Variants in EMC2 observed in about 807,000 individuals in gnomAD.
The protein encoded by EMC2 is ER membrane protein complex subunit 2.
A neutral mutation model predicts 51.6 loss-of-function variants in EMC2; 37 were observed. That is an observed-to-expected ratio of 0.72 (90% CI 0.55 to 0.94). The LOEUF is 0.94. EMC2 is among the 40% of genes least tolerant of loss of function. The probability of loss-of-function intolerance (pLI) is 0.00; values close to 1 mark genes in which losing one functional copy is unlikely to be tolerated. For missense variants in EMC2, 359 were observed against 350.9 expected, an observed-to-expected ratio of 1.02 and a Z score of -0.18; for synonymous variants, 131 against 112.4, an observed-to-expected ratio of 1.17 and a Z score of -1.04.
intron 5 of EMC2, among the ~76,000 whole-genome samples, chr8:108,465,558 T>A (rs1819446363): frequency 6.6e-6 from 1 of 152,222 alleles, no homozygotes; most frequent in South Asian, 2.1e-4. Flanking sequence ...TACTTTTGAA[T>A]AATGGAGTAA....
intron 10 of EMC2, among the ~76,000 whole-genome samples, chr8:108,482,134 T>C (rs1026383323): frequency 6.6e-6 from 1 of 152,308 alleles, no homozygotes; most frequent in Middle Eastern, 3.4e-3. Flanking sequence ...AGAGTTCTAA[T>C]AGCCCCACAT....
At chr8:108,459,970 ACTGT>A (rs1210545228) in intron 5 of EMC2, among the ~76,000 whole-genome samples, 1 of 152,198 alleles carries the variant, frequency 6.6e-6, no homozygotes, top group Non-Finnish European at 1.5e-5. Flanking sequence ...CTAATAGCTT[ACTGT>A]CTTAGTTCAA....
At chr8:108,453,002 A>G in intron 3 of EMC2, 60 bp from the exon 4 acceptor site, 1 of 828,728 alleles carries the variant, frequency 1.2e-6, no homozygotes, top group Non-Finnish European at 1.9e-6. Flanking sequence ...TATATAGGCC[A>G]TCCATTGTAG....
At chr8:108,477,982 G>A (rs951755658) in intron 9 of EMC2, among the ~76,000 whole-genome samples, 3 of 151,982 alleles carry the variant, frequency 2.0e-5, no homozygotes, top group Non-Finnish European at 2.9e-5. Context: ...ATCGAGTTGG[G>A]TTTCCAGCCC....
intron 3 of EMC2, among the ~76,000 whole-genome samples, chr8:108,452,592 A>C (rs1819054538): frequency 6.6e-6 from 1 of 152,136 alleles, no homozygotes; most frequent in Non-Finnish European, 1.5e-5. Flanking sequence ...AGGTTGGCTG[A>C]TTAATATAAA....
chr8:108,450,447 G>A lies in EMC2; in HGVS notation c.174G>A (p.Gln58=). 6.2e-7 allele frequency: 1 copy of A among 1,601,936 alleles called. No homozygotes were observed. Among genetic ancestry groups the A allele is most frequent in the Middle Eastern group, 1.7e-4 (1 of 6,028 alleles). The change falls in exon 3 of 11, where the codon CAG becomes CAA. Residue 58 remains glutamine (Q), a synonymous_variant. Coordinates refer to ENST00000220853, the MANE Select transcript of EMC2 (RefSeq NM_014673.5). ...LGDDIWIIYE[Q]VMIAALDYGR... ...ATCTAGTTTGGATCATATATGAACA[G>A]GTGATGATTGCAGCACTAGACTATG... is the stretch of plus-strand genomic sequence containing the variant.
chr8:108,481,705 C>T (rs1194051012), intron 10 of EMC2, among the ~76,000 whole-genome samples: 2 of 152,036 alleles, frequency 1.3e-5, no homozygotes, highest in African/African-American at 2.4e-5. Flanking sequence ...ATAAACATTG[C>T]AGCATCCCAA....
intron 7 of EMC2, among the ~76,000 whole-genome samples, chr8:108,473,460 A>T (rs2130395631): frequency 6.6e-6 from 1 of 152,198 alleles, no homozygotes; most frequent in East Asian, 1.9e-4. Context: ...AAAACTTCTG[A>T]AATCTGAAAC....
intron 5 of EMC2, among the ~76,000 whole-genome samples, chr8:108,467,897 A>G (rs1274424035): frequency 1.3e-5 from 2 of 152,240 alleles, no homozygotes; most frequent in African/African-American, 4.8e-5. Context: ...CCAAATGTTA[A>G]AGAAAGGAAG....
chr8:108,477,156 T>C (rs1160178523), intron 9 of EMC2, among the ~76,000 whole-genome samples: 3 of 151,950 alleles, frequency 2.0e-5, no homozygotes, highest in Non-Finnish European at 4.4e-5. Flanking sequence ...TAGTGACAGA[T>C]AGGAAGAAAA....
intron 4 of EMC2, among the ~76,000 whole-genome samples, chr8:108,454,359 G>A (rs891105746): frequency 1.3e-5 from 2 of 151,834 alleles, no homozygotes; most frequent in African/African-American, 4.8e-5. Flanking sequence ...CTCTCTCAGT[G>A]TATCAGTTAT....
chr8:108,450,506 T>A lies in EMC2; in HGVS notation c.219+14T>A, dbSNP rs760186580. On this transcript the variant is annotated intron_variant, in intron 3 of 10. Coordinates refer to ENST00000220853, the MANE Select transcript of EMC2 (RefSeq NM_014673.5). ...GACTTGGCATTGGTAGGTATTTAAA[T>A]GAAGTATATATTTAATTTGCTTCAT... 7 of 1,448,240 alleles carry A rather than the reference T, an allele frequency of 4.8e-6. 1 individual carries two copies. In the South Asian group the frequency reaches 8.0e-5, roughly 17 times the overall value. The allele number at this position is 1,448,240 out of a possible 1,614,324, so 89.7% of individuals were successfully genotyped here.
At chr8:108,450,382 G>A (rs142846038) in intron 2 of EMC2, 46 bp from the exon 3 acceptor site, 477 of 1,105,020 alleles carry the variant, frequency 4.3e-4, no homozygotes, top group Non-Finnish European at 5.9e-4. Context: ...ATTTGGGTTT[G>A]TTTTAATATT....
In EMC2 at chr8:108,481,599, A is replaced by G. The variant is rs145447869; in HGVS notation, c.807+2489A>G. 1.5e-3 allele frequency among the ~76,000 whole-genome samples: 224 copies of G among 152,298 alleles called. 3 individuals are homozygous for G. The East Asian group carries it at 0.036, about 24-fold the overall frequency. ...TAAAATCAATTTTTACTAAATTAAT[A>G]ACATAGAAATAAGAATTATAACAGA... is the stretch of plus-strand genomic sequence containing the variant. On this transcript the variant is annotated intron_variant, in intron 10 of 10. Transcript: ENST00000220853.
chr8:108,456,801 T>C (rs892981069), intron 5 of EMC2, among the ~76,000 whole-genome samples: 5 of 152,198 alleles, frequency 3.3e-5, no homozygotes, highest in Admixed American at 6.5e-5. Flanking sequence ...AGAGAGACTT[T>C]AGATAATACA....
Position 108,479,063 on chromosome 8 carries a change from A to G in EMC2, c.760A>G (p.Met254Val), listed in dbSNP as rs1394845136. The change falls in exon 10 of 11, where the codon ATG becomes GTG. Residue 254 changes from methionine to valine, a missense_variant. Met to Val is a conservative substitution (Grantham distance 21). Transcript: ENST00000220853. ...KASAKTKKDNMKYASWAASQI... is the reference protein window; with the variant it reads ...KASAKTKKDNVKYASWAASQI... ...AAGTGCAAAAACGAAAAAGGACAAC[A>G]TGAAATATGCTAGTTGGGCAGCTAG... 1.3e-6 allele frequency: 2 copies of G among 1,591,848 alleles called. No homozygotes were observed. Among genetic ancestry groups the G allele is most frequent in the East Asian group, 2.3e-5 (1 of 43,606 alleles).
At chr8:108,480,110 C>G (rs544979318) in intron 10 of EMC2, among the ~76,000 whole-genome samples, 86 of 152,084 alleles carry the variant, frequency 5.7e-4, no homozygotes, top group African/African-American at 2.1e-3. Flanking sequence ...CAGTTTAGCC[C>G]TTTTATTTGA....
intron 5 of EMC2, among the ~76,000 whole-genome samples, chr8:108,468,486 T>C (rs1810777764): frequency 6.6e-6 from 1 of 152,120 alleles, no homozygotes; most frequent in Non-Finnish European, 1.5e-5. Context: ...CAGGATATGC[T>C]TAAGGATATA....
rs536567856 is a variant in EMC2, at chr8:108,488,807, G to A, written c.*2209G>A. On this transcript the variant is annotated 3_prime_UTR_variant, in exon 11 of 11. Transcript: ENST00000220853. ...GTGAAGGAAATCAACCATCCATTCT[G>A]TCTCTCTATTGTGGTAGCTACTAAC... is the stretch of plus-strand genomic sequence containing the variant. 2.0e-5 allele frequency among the ~76,000 whole-genome samples: 3 copies of A among 152,278 alleles called. No individual in the cohort carries two copies. Among genetic ancestry groups the A allele is most frequent in the African/African-American group, 7.2e-5 (3 of 41,556 alleles).
Sources: gnomAD v4.1 joint callset for allele counts (sites outside exome capture counted in the v4.1 genomes callset) on GRCh38, gnomAD v4.1.1 for gene constraint, MANE v1.5 for transcripts, NCBI Gene and HGNC (gene_info 2026-07-23, HGNC 2026-07-21) for gene names.